The following C1orf94 variants were observed in gnomAD, a reference collection of about 807,000 sequenced individuals.
C1orf94 encodes uncharacterized protein C1orf94.
A neutral mutation model predicts 53.6 loss-of-function variants in C1orf94; 45 were observed. The ratio of observed to expected loss-of-function variants is 0.84; its 90% CI spans 0.66 to 1.08. The LOEUF is 1.08. Ranked by LOEUF, C1orf94 falls within the 50% of genes least tolerant of loss-of-function variation. C1orf94 has a pLI of 0.00. For synonymous variants in C1orf94, 304 were observed against 296.1 expected (o/e 1.03, Z -0.27); for missense variants, 762 against 738.9 (o/e 1.03, Z -0.36).
At position 34,218,952 on chromosome 1, in the gene C1orf94, A is replaced by C; in HGVS notation, c.*191A>C. ...AAATAGCCCTCCTCACACATGGCAC[A>C]AGCTACACACACACACACACACATG... On this transcript the variant is annotated 3_prime_UTR_variant, in exon 7 of 7. Coordinates refer to ENST00000488417, the MANE Select transcript of C1orf94 (RefSeq NM_001134734.2). 1 of 400,806 alleles carries C rather than the reference A, an allele frequency of 2.5e-6. No homozygotes were observed. Among genetic ancestry groups the C allele is most frequent in the Non-Finnish European group, 4.4e-6 (1 of 226,742 alleles). The allele number at this position is 400,806 out of a possible 1,614,324, so 24.8% of individuals were successfully genotyped here. A position where few individuals can be genotyped will look rare whatever the true frequency, so the allele number is the denominator to read the frequency against.
At chr1:34,212,869 G>A (rs927582985) in intron 6 of C1orf94, among the ~76,000 whole-genome samples, 12 of 152,152 alleles carry the variant, frequency 7.9e-5, no homozygotes, top group African/African-American at 2.9e-4. Context: ...AAGAGCCTTC[G>A]ACTGCTTATC....
rs200857488 is a variant in C1orf94, at chr1:34,169,371, T to A, written c.-251+2200T>A. ...CATTCTCCCTGTGAGCAACAGGCAG[T>A]CGTGGGTTGAGGTGTCTTTACAATA... On this transcript the variant is annotated intron_variant, in intron 1 of 6. Transcript: ENST00000373374. Among the ~76,000 whole-genome samples the A allele has an allele frequency of 1.1e-4, 17 of 152,216 alleles. No homozygotes were observed. In the East Asian group the frequency reaches 2.5e-3, roughly 23 times the overall value.
Position 34,202,072 on chromosome 1 carries a change from T to G in C1orf94, c.1271-12T>G. On this transcript the variant is annotated splice_polypyrimidine_tract_variant and intron_variant, in intron 3 of 6. Coordinates refer to ENST00000488417, the MANE Select transcript of C1orf94 (RefSeq NM_001134734.2). ...CATCACTGACCCGCTTTGCCTCTCCTGTGACTTGCAGTTAACGCACCTGTG... is the reference window on the plus strand; with the variant it reads ...CATCACTGACCCGCTTTGCCTCTCCGGTGACTTGCAGTTAACGCACCTGTG... The G allele has an allele frequency of 6.2e-7, 1 of 1,611,442 alleles. No homozygotes were observed. The highest frequency in any genetic ancestry group is 2.2e-5 in the East Asian group (1 of 44,890).
At chr1:34,174,869 A>G (rs977307834), upstream of C1orf94, among the ~76,000 whole-genome samples, 5 of 152,210 alleles carry the variant, frequency 3.3e-5, no homozygotes, top group Admixed American at 3.3e-4. Flanking sequence ...ATCTGAACCC[A>G]GGGACTCTGG....
chr1:34,197,765 C>T lies in C1orf94; in HGVS notation c.861C>T (p.Ser287=). 2 of 1,614,210 alleles carry T rather than the reference C, an allele frequency of 1.2e-6. No individual in the cohort carries two copies. Among genetic ancestry groups the T allele is most frequent in the Non-Finnish European group, 1.7e-6 (2 of 1,180,048 alleles). The change falls in exon 2 of 7, where the codon AGC becomes AGT. Residue 287 remains serine (S), a synonymous_variant. Coordinates refer to ENST00000488417, the MANE Select transcript of C1orf94 (RefSeq NM_001134734.2). This position sits in a 1 kb window ranked among gnomAD's most constrained non-coding sequence, Gnocchi z 4.1. ...GPGPKEPTGL[S]PFLLLPPRPP... is the part of the protein sequence containing the mutation. ...GACCCAAGGAGCCCACAGGGCTGAG[C>T]CCATTTCTGCTGCTGCCTCCCCGAC...
intron 1 of C1orf94, among the ~76,000 whole-genome samples, chr1:34,193,729 C>A (rs1271077158): frequency 6.6e-6 from 1 of 152,224 alleles, no homozygotes; most frequent in Non-Finnish European, 1.5e-5. Flanking sequence ...TAAATATGAA[C>A]ACATATATGG....
At chr1:34,169,418 T>G (rs1642104769) in intron 1 of C1orf94, among the ~76,000 whole-genome samples, 1 of 152,136 alleles carries the variant, frequency 6.6e-6, no homozygotes, top group South Asian at 2.1e-4. Context: ...AAAAGCCCAA[T>G]GCAGTCTAGT....
chr1:34,210,730 C>T (rs1267893286), intron 5 of C1orf94, among the ~76,000 whole-genome samples: 1 of 152,134 alleles, frequency 6.6e-6, no homozygotes. Context: ...TCTTGGCTCA[C>T]TGCAACCTCC....
intron 1 of C1orf94, among the ~76,000 whole-genome samples, chr1:34,182,332 C>A (rs182688587): frequency 3.9e-5 from 6 of 152,282 alleles, no homozygotes; most frequent in Non-Finnish European, 8.8e-5. Flanking sequence ...GCAGGCAAGG[C>A]CTCAGGAGGC....
At chr1:34,187,461 T>C (rs911682144) in intron 1 of C1orf94, among the ~76,000 whole-genome samples, 4 of 152,148 alleles carry the variant, frequency 2.6e-5, no homozygotes, top group Admixed American at 6.5e-5. Flanking sequence ...AATTTAATTT[T>C]ATGGTTTCGG....
intron 1 of C1orf94, among the ~76,000 whole-genome samples, chr1:34,193,250 C>A (rs1333914413): frequency 6.6e-6 from 1 of 152,116 alleles, no homozygotes; most frequent in Non-Finnish European, 1.5e-5. Context: ...GGATTACTGT[C>A]AGGCTGGGAG....
rs558597208 is a variant in C1orf94 at position 34,202,396 on chromosome 1, T to G, written c.1446+137T>G. 9 of 954,672 alleles carry G rather than the reference T, an allele frequency of 9.4e-6. No homozygotes were observed. In the East Asian group the frequency reaches 2.4e-4, roughly 25 times the overall value. 59.1% of individuals were successfully genotyped at this position (954,672 alleles called of 1,614,324 possible). Reference sequence around the variant, plus strand: ...CTTCCCTACATGCAAGAGGCTTCGCTGGGGCTATGGAAGGGCGCTGTCAAC... The same window carrying G: ...CTTCCCTACATGCAAGAGGCTTCGCGGGGGCTATGGAAGGGCGCTGTCAAC... On this transcript the variant is annotated intron_variant, in intron 4 of 6. Transcript: ENST00000488417.
upstream of C1orf94, among the ~76,000 whole-genome samples, chr1:34,176,900 G>A (rs1401674607): frequency 6.6e-6 from 1 of 152,094 alleles, no homozygotes; most frequent in African/African-American, 2.4e-5. Context: ...CGAACCCAGG[G>A]CGCCCCGCGC....
intron 1 of C1orf94, among the ~76,000 whole-genome samples, chr1:34,186,667 G>A (rs759596654): frequency 5.9e-5 from 9 of 152,186 alleles, no homozygotes; most frequent in African/African-American, 1.7e-4. Context: ...TTTTGAGGAC[G>A]ATAGAATGGA....
At chr1:34,172,307 G>A (rs1642156861), upstream of C1orf94, among the ~76,000 whole-genome samples, 1 of 152,146 alleles carries the variant, frequency 6.6e-6, no homozygotes, top group Admixed American at 6.5e-5. Context: ...TTTAAGTGGA[G>A]ATCTCATAGG....
chr1:34,201,122 T>C (rs570334373), intron 3 of C1orf94, 90 bp downstream of exon 3: 1 of 1,490,872 alleles, frequency 6.7e-7, no homozygotes, highest in Admixed American at 2.3e-5. Context: ...CAAGTGGCTG[T>C]CTTATCTACT....
At chr1:34,208,490 T>G (rs558922122) in intron 5 of C1orf94, among the ~76,000 whole-genome samples, 12 of 152,202 alleles carry the variant, frequency 7.9e-5, no homozygotes, top group African/African-American at 1.2e-4. Flanking sequence ...CTAACTAATT[T>G]AGCCTTCAAA....
At chr1:34,216,011 CA>C (rs1642981748) in intron 6 of C1orf94, among the ~76,000 whole-genome samples, 2 of 151,888 alleles carry the variant, frequency 1.3e-5, no homozygotes, top group South Asian at 4.1e-4. Flanking sequence ...ATCTCAAAAA[CA>C]AAACAAAATA....
At chr1:34,192,498 T>C (rs900644217) in intron 1 of C1orf94, among the ~76,000 whole-genome samples, 1 of 152,192 alleles carries the variant, frequency 6.6e-6, no homozygotes, top group African/African-American at 2.4e-5. Context: ...GCAAGTGAAC[T>C]TGTTCAGTCC....
Sources: gnomAD v4.1 joint callset for allele counts (sites outside exome capture counted in the v4.1 genomes callset) on GRCh38, gnomAD v4.1.1 for gene constraint, Gnocchi (gnomAD v3.1) non-coding constraint, MANE v1.5 for transcripts, NCBI Gene and HGNC (gene_info 2026-07-23, HGNC 2026-07-21) for gene names.